Variants in PSPC1 observed in about 807,000 individuals in gnomAD.
PSPC1 encodes the protein paraspeckle protein 1.
Under a neutral mutation model 51.6 loss-of-function variants are expected in PSPC1, and 14 were observed. The ratio of observed to expected loss-of-function variants is 0.27; its 90% CI spans 0.18 to 0.42. The LOEUF (loss-of-function observed/expected upper bound fraction) is 0.42. Among genes scored for constraint, PSPC1 ranks in the 10% least tolerant of loss-of-function variants. The probability of loss-of-function intolerance (pLI) is 1.00; values close to 1 mark genes in which losing one functional copy is unlikely to be tolerated. For missense variants in PSPC1, 406 were observed against 701.1 expected (o/e 0.58, Z 4.75); for synonymous variants, 193 against 231.9 (o/e 0.83, Z 1.53).
At chr13:19,730,213 T>C (rs765776067) in intron 6 of PSPC1, 26 bp downstream of exon 6, 110 of 1,587,106 alleles carry the variant, frequency 6.9e-5, no homozygotes, top group Middle Eastern at 1.7e-4. Context: ...TATAAAATCA[T>C]TTTAGTTAAC....
At chr13:19,676,509 A>T (rs1876652250) in intron 7 of PSPC1, among the ~76,000 whole-genome samples, 1 of 152,222 alleles carries the variant, frequency 6.6e-6, no homozygotes, top group Admixed American at 6.5e-5. Flanking sequence ...AAAACTACAG[A>T]ATACATCAGT....
chr13:19,671,917 C>G, downstream of PSPC1: 1 of 1,594,268 alleles, frequency 6.3e-7, no homozygotes. Context: ...CAGACCGATT[C>G]CTATACTCTC....
downstream of PSPC1, chr13:19,671,852 G>A (rs779516247): frequency 2.5e-6 from 4 of 1,614,020 alleles, no homozygotes; most frequent in Non-Finnish European, 3.4e-6. Context: ...GCTAATAGGT[G>A]CATACAGAGT....
intron 6 of PSPC1, among the ~76,000 whole-genome samples, chr13:19,686,545 C>T (rs534431970): frequency 4.6e-5 from 7 of 152,258 alleles, no homozygotes; most frequent in African/African-American, 9.6e-5. Context: ...TTAGTAACAG[C>T]GGCTGCCCCT....
intron 4 of PSPC1, among the ~76,000 whole-genome samples, chr13:19,748,959 C>T (rs1350662345): frequency 6.6e-6 from 1 of 151,886 alleles, no homozygotes; most frequent in Non-Finnish European, 1.5e-5. Flanking sequence ...TCTGTAATCC[C>T]AGCACTATGG....
At chr13:19,742,273 A>AT (rs1555241047) in intron 4 of PSPC1, among the ~76,000 whole-genome samples, 1 of 151,640 alleles carries the variant, frequency 6.6e-6, no homozygotes, top group East Asian at 1.9e-4. Flanking sequence ...AAAAAAAAAA[A>AT]AAACAAACAA....
chr13:19,754,134 G>C (rs1349122938), intron 3 of PSPC1, among the ~76,000 whole-genome samples: 4 of 151,814 alleles, frequency 2.6e-5, no homozygotes, highest in Non-Finnish European at 5.9e-5. Context: ...GCCCAGGCTG[G>C]AATGCAATGG....
chr13:19,709,158 C>CAAAA lies in PSPC1; in HGVS notation c.1216+380_1216+383dup, dbSNP rs11446310. Among the ~76,000 whole-genome samples, 486 of 83,362 alleles carry CAAAA rather than the reference C, an allele frequency of 5.8e-3. 17 individuals are homozygous for CAAAA. The highest frequency in any genetic ancestry group is 0.021 in the African/African-American group (435 of 20,454). The allele number at this position is 83,362 out of a possible 152,430, so 54.7% of individuals were successfully genotyped here. Reference sequence around the variant, plus strand: ...TGGGCAACAGAGTGAGGTCCTGCCTCAAAAAAAAAAAAAAAAAAAAAGCCA... The same window carrying CAAAA: ...TGGGCAACAGAGTGAGGTCCTGCCTCAAAAAAAAAAAAAAAAAAAAAAAAAGCCA... On this transcript the variant is annotated intron_variant, in intron 7 of 8. Transcript: ENST00000338910.
chr13:19,675,623 G>A (rs934977880), intron 7 of PSPC1: 3 of 152,124 alleles, frequency 2.0e-5, no homozygotes, highest in South Asian at 2.1e-4. Flanking sequence ...CCTAGGTCAC[G>A]AACAGGATAT....
chr13:19,776,811 A>T (rs1889182506), intron 1 of PSPC1, among the ~76,000 whole-genome samples: 1 of 150,566 alleles, frequency 6.6e-6, no homozygotes, highest in South Asian at 2.2e-4. Flanking sequence ...CCGGCCTACT[A>T]TATGTAAATT....
intron 6 of PSPC1, among the ~76,000 whole-genome samples, chr13:19,694,860 G>A (rs1443158227): frequency 6.6e-6 from 1 of 152,116 alleles, no homozygotes; most frequent in Admixed American, 6.5e-5. Flanking sequence ...TCCTAAGATA[G>A]CTATTTTCTA....
intron 4 of PSPC1, among the ~76,000 whole-genome samples, chr13:19,743,711 T>C (rs560400194): frequency 3.7e-4 from 56 of 152,322 alleles, no homozygotes; most frequent in Admixed American, 1.2e-3. Flanking sequence ...AATAGGCCCA[T>C]AGAGAAAACA....
In PSPC1 at chr13:19,723,084, C is replaced by A. The variant is rs181617250; in HGVS notation, c.1158+7155G>T. 7.9e-5 allele frequency among the ~76,000 whole-genome samples: 12 copies of A among 152,296 alleles called. No individual in the cohort carries two copies. The East Asian group carries it at 2.1e-3, about 27-fold the overall frequency. On this transcript the variant is annotated intron_variant, in intron 6 of 8. Coordinates refer to ENST00000338910, the MANE Select transcript of PSPC1 (RefSeq NM_001354909.2). ...CAAGATCACGCCACTGCACTCCAGC[C>A]TGGGCAACAGAGCAAGACTCCCTCC...
chr13:19,755,126 T>C (rs1238613628), intron 3 of PSPC1, among the ~76,000 whole-genome samples: 1 of 151,556 alleles, frequency 6.6e-6, no homozygotes, highest in Non-Finnish European at 1.5e-5. Context: ...CCCAGCTACT[T>C]GGGGGGTGCT....
chr13:19,673,595 G>C (rs1027159486), downstream of PSPC1: 1 of 165,822 alleles, frequency 6.0e-6, no homozygotes, highest in African/African-American at 2.4e-5. Flanking sequence ...GAAAAGGGAG[G>C]ATTTGAATTA....
At chr13:19,693,818 A>C (rs1463725525) in intron 6 of PSPC1, among the ~76,000 whole-genome samples, 1 of 152,160 alleles carries the variant, frequency 6.6e-6, no homozygotes, top group Non-Finnish European at 1.5e-5. Flanking sequence ...ACTGACACTT[A>C]ACTATGAATA....
chr13:19,689,031 T>C (rs996732688), intron 6 of PSPC1, among the ~76,000 whole-genome samples: 11 of 150,688 alleles, frequency 7.3e-5, no homozygotes, highest in African/African-American at 2.7e-4. Flanking sequence ...TATGTGTCAG[T>C]GTGTGCACTA....
intron 8 of PSPC1, among the ~76,000 whole-genome samples, chr13:19,704,448 T>C (rs71421765): frequency 6.8e-4 from 104 of 152,382 alleles, no homozygotes; most frequent in African/African-American, 2.1e-3. Context: ...GCTTTTAACG[T>C]CTCTGATCAC....
chr13:19,738,923 A>G (rs992847828), intron 5 of PSPC1, among the ~76,000 whole-genome samples: 1 of 150,222 alleles, frequency 6.7e-6, no homozygotes, highest in African/African-American at 2.4e-5. Context: ...AAAAAAAAAG[A>G]GAATGACAAG....
Sources: gnomAD v4.1 joint callset for allele counts (sites outside exome capture counted in the v4.1 genomes callset) on GRCh38, gnomAD v4.1.1 for gene constraint, MANE v1.5 for transcripts, NCBI Gene and HGNC (gene_info 2026-07-23, HGNC 2026-07-21) for gene names.